Variants in GLIS1 observed in about 807,000 individuals in gnomAD.
GLIS1 encodes zinc finger protein GLIS1.
Under a neutral mutation model 63.8 loss-of-function variants are expected in GLIS1, and 24 were observed. That is an observed-to-expected ratio of 0.38 (90% CI 0.27 to 0.53). The LOEUF (loss-of-function observed/expected upper bound fraction) is 0.53, where lower values mean the gene tolerates loss of function less well. Among genes scored for constraint, GLIS1 ranks in the 20% least tolerant of loss-of-function variants. The pLI, the probability that GLIS1 is intolerant of heterozygous loss-of-function variation, is 0.85. For missense variants in GLIS1, 1,036 were observed against 1,074.1 expected (o/e 0.96, Z 0.50); for synonymous variants, 450 against 482.5 (o/e 0.93, Z 0.88).
chr1:53,722,848 G>A (rs1189770722), intron 2 of GLIS1, among the ~76,000 whole-genome samples: 2 of 149,468 alleles, frequency 1.3e-5, no homozygotes, highest in African/African-American at 4.9e-5. Context: ...AAAAAAAAGA[G>A]TAGGCCAGGT....
intron 2 of GLIS1, among the ~76,000 whole-genome samples, chr1:53,643,849 C>T (rs17387213): frequency 0.097 from 14,800 of 152,152 alleles, 920 homozygotes; most frequent in South Asian, 0.24. Context: ...GTTGTCCAAA[C>T]GTCCCCCAGT....
chr1:53,600,465 G>A (rs543575406), intron 2 of GLIS1, among the ~76,000 whole-genome samples, 187 bp from the exon 3 acceptor site: 4 of 152,174 alleles, frequency 2.6e-5, no homozygotes, highest in Admixed American at 6.5e-5. Context: ...CAGCAGGATC[G>A]ATAATAAAAT....
At chr1:53,596,830 G>C (rs1171813533) in intron 3 of GLIS1, among the ~76,000 whole-genome samples, 2 of 152,134 alleles carry the variant, frequency 1.3e-5, no homozygotes, top group Admixed American at 1.3e-4. Context: ...CAGAGACTCA[G>C]GGGAGAGGCA....
intron 2 of GLIS1, among the ~76,000 whole-genome samples, chr1:53,688,362 C>A (rs1036382240): frequency 3.9e-5 from 6 of 152,110 alleles, no homozygotes. Flanking sequence ...GAAGACGTGG[C>A]GGGTGGAAGG....
At chr1:53,586,785 T>C (rs1013814490) in intron 4 of GLIS1, among the ~76,000 whole-genome samples, 2 of 152,172 alleles carry the variant, frequency 1.3e-5, no homozygotes, top group African/African-American at 2.4e-5. Flanking sequence ...TGTGACTTCA[T>C]GGGAAACTAC....
At chr1:53,551,175 G>A (rs1270843418) in intron 4 of GLIS1, among the ~76,000 whole-genome samples, 1 of 152,168 alleles carries the variant, frequency 6.6e-6, no homozygotes, top group Non-Finnish European at 1.5e-5. Flanking sequence ...CCCCCGTGTT[G>A]AGCCCTCACT....
chr1:53,718,356 T>G (rs997748951), intron 2 of GLIS1, among the ~76,000 whole-genome samples: 1 of 152,150 alleles, frequency 6.6e-6, no homozygotes, highest in African/African-American at 2.4e-5. Flanking sequence ...GGGAACCTGA[T>G]GCATTTGGAC....
At chr1:53,657,854 G>C (rs993339861) in intron 2 of GLIS1, among the ~76,000 whole-genome samples, 3 of 152,116 alleles carry the variant, frequency 2.0e-5, no homozygotes, top group Non-Finnish European at 2.9e-5. Flanking sequence ...CTCAGTTTTG[G>C]GCTAGGCTGT....
intron 2 of GLIS1, among the ~76,000 whole-genome samples, chr1:53,719,627 T>C (rs534367854): frequency 7.9e-5 from 12 of 151,960 alleles, no homozygotes; most frequent in Middle Eastern, 3.4e-3. Flanking sequence ...ACCCAAAGAA[T>C]TGTGATGCAA....
rs1645843169 is a variant in GLIS1, at chr1:53,646,242, GAAAT to G, written c.260-45968_260-45965del. On this transcript the variant is annotated intron_variant, in intron 2 of 10. Transcript: ENST00000628545. The surrounding 1 kb of genome is among the most constrained non-coding windows in gnomAD (Gnocchi z 4.2). ...CTCTAGTGGGTAAGCAGGGATGAAA[GAAAT>G]AAAATATATAAGAATTGAAAGGAAT... Among the ~76,000 whole-genome samples the G allele has an allele frequency of 6.6e-6, 1 of 152,048 alleles. No homozygotes were observed. The highest frequency in any genetic ancestry group is 1.5e-5 in the Non-Finnish European group (1 of 67,994).
At chr1:53,715,224 T>C (rs1297384150) in intron 2 of GLIS1, among the ~76,000 whole-genome samples, 2 of 152,210 alleles carry the variant, frequency 1.3e-5, no homozygotes, top group Non-Finnish European at 2.9e-5. Context: ...CAAGTCTTCA[T>C]TCTTGAGTAA....
chr1:53,654,240 C>T (rs1465035), intron 2 of GLIS1, among the ~76,000 whole-genome samples: 70,531 of 152,050 alleles, frequency 0.46, 17,774 homozygotes, highest in Middle Eastern at 0.55. Context: ...GACAGAGCAG[C>T]GAACGAGATC....
chr1:53,703,379 G>A lies in GLIS1; in HGVS notation c.259+34427C>T, dbSNP rs541786045. On this transcript the variant is annotated intron_variant, in intron 2 of 10. Transcript: ENST00000628545. ...AGGCCAGGTGCAGTGGCTCATGCCT[G>A]TAATCCCAACATTTTAAGAGGCCAA... Among the ~76,000 whole-genome samples the A allele has an allele frequency of 2.0e-3, 310 of 152,238 alleles. 2 individuals carry two copies. Among genetic ancestry groups the A allele is most frequent in the African/African-American group, 7.3e-3 (302 of 41,548 alleles).
chr1:53,636,404 T>A (rs1441410667), intron 2 of GLIS1, among the ~76,000 whole-genome samples: 2 of 151,882 alleles, frequency 1.3e-5, no homozygotes, highest in Non-Finnish European at 1.5e-5. Flanking sequence ...CATCCACTCA[T>A]GATTTTAAAA....
At chr1:53,547,688 G>C (rs988548898) in intron 4 of GLIS1, among the ~76,000 whole-genome samples, 1 of 152,216 alleles carries the variant, frequency 6.6e-6, no homozygotes, top group African/African-American at 2.4e-5. Flanking sequence ...TTTTTGGTAT[G>C]GCCGTACATT....
intron 2 of GLIS1, among the ~76,000 whole-genome samples, chr1:53,621,262 C>T (rs190254642): frequency 4.3e-4 from 65 of 152,356 alleles, no homozygotes; most frequent in Admixed American, 8.5e-4. Flanking sequence ...TGTATCCCCC[C>T]CAAGTCTCCC....
Position 53,511,759 on chromosome 1 carries a change from G to T in GLIS1, c.1884-1732C>A, listed in dbSNP as rs945923968. ...CACGAGCTGTGTGTTCTCATGACCA[G>T]TTCTGGCTGAAGCTGGGCTGGGGCC... is the stretch of plus-strand genomic sequence containing the variant. On this transcript the variant is annotated intron_variant, in intron 8 of 10. Transcript: ENST00000628545. The surrounding 1 kb of genome is among the most constrained non-coding windows in gnomAD (Gnocchi z 4.2). Among the ~76,000 whole-genome samples the T allele has an allele frequency of 6.6e-6, 1 of 152,250 alleles. No individual in the cohort carries two copies. The highest frequency in any genetic ancestry group is 2.4e-5 in the African/African-American group (1 of 41,462).
In GLIS1 at chr1:53,530,940, G is replaced by A. The variant is rs75311579; in HGVS notation, c.1321-988C>T. Among the ~76,000 whole-genome samples, 597 of 152,354 alleles carry A rather than the reference G, an allele frequency of 3.9e-3. 2 individuals are homozygous for A. The highest frequency in any genetic ancestry group is 7.2e-3 in the Non-Finnish European group (492 of 68,038). On this transcript the variant is annotated intron_variant, in intron 4 of 10. Transcript: ENST00000628545. ...GAGGAGGGGACCAGCGCTGACGGGC[G>A]CCTGCTACATCCAGGTGTGGTGCTG... is the stretch of plus-strand genomic sequence containing the variant.
intron 2 of GLIS1, among the ~76,000 whole-genome samples, chr1:53,629,184 G>A (rs1168428781): frequency 2.6e-5 from 4 of 151,874 alleles, no homozygotes; most frequent in African/African-American, 7.3e-5. Context: ...ATGCAACCCC[G>A]CCCCTACTCT....
Sources: allele counts gnomAD v4.1 joint callset (sites outside exome capture counted in the v4.1 genomes callset), GRCh38; gene constraint gnomAD v4.1.1; non-coding constraint Gnocchi (gnomAD v3.1); transcripts MANE v1.5; gene names NCBI Gene and HGNC (gene_info 2026-07-23, HGNC 2026-07-21).